NEDD9: variants seen among roughly 807,000 people sequenced by gnomAD.
NEDD9 encodes enhancer of filamentation 1.
In NEDD9, 26 loss-of-function variants were observed where a neutral mutation model predicts 76.6. That is an observed-to-expected ratio of 0.34 (90% CI 0.25 to 0.47). The LOEUF (loss-of-function observed/expected upper bound fraction) is 0.47, where lower values mean the gene tolerates loss of function less well. Among genes scored for constraint, NEDD9 ranks in the 20% least tolerant of loss-of-function variants. The probability of loss-of-function intolerance (pLI) is 1.00; values close to 1 mark genes in which losing one functional copy is unlikely to be tolerated. For missense variants in NEDD9, 937 were observed against 1,058.5 expected (o/e 0.89, Z 1.59); for synonymous variants, 392 against 414.2 (o/e 0.95, Z 0.65).
intron 2 of NEDD9, among the ~76,000 whole-genome samples, chr6:11,331,003 A>G (rs1373130845): frequency 6.6e-6 from 1 of 151,442 alleles, no homozygotes; most frequent in Non-Finnish European, 1.5e-5. Flanking sequence ...TACAGACTCT[A>G]GAGAAGAAAG....
At chr6:11,193,789 T>C in intron 2 of NEDD9, 97 bp from the exon 3 acceptor site, 1 of 696,512 alleles carries the variant, frequency 1.4e-6, no homozygotes, top group Admixed American at 2.9e-5. Context: ...CTCTCCCTCA[T>C]AAAAAGATAG....
chr6:11,207,685 C>G (rs921930286), intron 2 of NEDD9: 3 of 152,122 alleles, frequency 2.0e-5, no homozygotes, highest in African/African-American at 7.2e-5. Context: ...TTTAAGAAGC[C>G]CTTGAGATCA....
At chr6:11,307,273 C>T (rs952402999) in intron 2 of NEDD9, among the ~76,000 whole-genome samples, 1 of 152,100 alleles carries the variant, frequency 6.6e-6, no homozygotes, top group Non-Finnish European at 1.5e-5. Context: ...TCACTTCTAC[C>T]AGGATGGGAA....
chr6:11,314,428 T>C (rs1295640560), intron 2 of NEDD9, among the ~76,000 whole-genome samples: 1 of 152,134 alleles, frequency 6.6e-6, no homozygotes, highest in Non-Finnish European at 1.5e-5. Context: ...GCTAGAAATA[T>C]GGATGAAGGA....
chr6:11,341,027 C>G (rs1177876736), intron 1 of NEDD9, among the ~76,000 whole-genome samples: 1 of 152,190 alleles, frequency 6.6e-6, no homozygotes, highest in Non-Finnish European at 1.5e-5. Flanking sequence ...GCCTCCCACC[C>G]TTTCCATTGA....
intron 1 of NEDD9, among the ~76,000 whole-genome samples, chr6:11,345,848 T>C (rs1762354653): frequency 6.6e-6 from 1 of 152,224 alleles, no homozygotes; most frequent in African/African-American, 2.4e-5. Context: ...GCATAAACAA[T>C]TTCCAAGTTT....
chr6:11,244,994 C>T (rs1430223890), intron 3 of NEDD9, among the ~76,000 whole-genome samples: 1 of 152,190 alleles, frequency 6.6e-6, no homozygotes, highest in Non-Finnish European at 1.5e-5. Context: ...GACTAACCCT[C>T]TACTGGAAAG....
At chr6:11,317,943 C>G (rs1430702289) in intron 2 of NEDD9, among the ~76,000 whole-genome samples, 1 of 152,224 alleles carries the variant, frequency 6.6e-6, no homozygotes, top group Non-Finnish European at 1.5e-5. Flanking sequence ...CTTGTTCAAT[C>G]AGTTGAAGGC....
At chr6:11,217,608 C>T (rs1475480014) in intron 1 of NEDD9, among the ~76,000 whole-genome samples, 1 of 152,222 alleles carries the variant, frequency 6.6e-6, no homozygotes, top group African/African-American at 2.4e-5. Context: ...TAAACAATTA[C>T]CGTCCAACCC....
chr6:11,267,104 T>C (rs1201683460), intron 3 of NEDD9, among the ~76,000 whole-genome samples: 1 of 152,230 alleles, frequency 6.6e-6, no homozygotes, highest in East Asian at 1.9e-4. Context: ...ATTACAAACA[T>C]CCCTCATATG....
At chr6:11,301,193 C>CA (rs1033190966) in intron 3 of NEDD9, among the ~76,000 whole-genome samples, 19 of 150,968 alleles carry the variant, frequency 1.3e-4, no homozygotes, top group African/African-American at 2.9e-4. Flanking sequence ...AAATGGAAAG[C>CA]AAAAAAAAGC....
chr6:11,249,378 C>T (rs1309492334), intron 3 of NEDD9, among the ~76,000 whole-genome samples: 1 of 152,218 alleles, frequency 6.6e-6, no homozygotes, highest in Non-Finnish European at 1.5e-5. Flanking sequence ...ACCCAGGTTT[C>T]TCCTCTCTTG....
intron 1 of NEDD9, among the ~76,000 whole-genome samples, chr6:11,361,469 CAG>C (rs550778688): frequency 2.8e-4 from 43 of 152,092 alleles, no homozygotes; most frequent in African/African-American, 8.9e-4. Context: ...TGTCAAGGGG[CAG>C]GGGGGAGGTA....
intron 3 of NEDD9, among the ~76,000 whole-genome samples, chr6:11,304,230 GA>G (rs1313443480): frequency 2.0e-5 from 3 of 152,210 alleles, no homozygotes; most frequent in Non-Finnish European, 4.4e-5. Context: ...TGTCATCAGA[GA>G]AATGCATATC....
At chr6:11,287,317 G>A (rs139314226) in intron 3 of NEDD9, among the ~76,000 whole-genome samples, 5,566 of 152,136 alleles carry the variant, frequency 0.037, 262 homozygotes, top group African/African-American at 0.11. Context: ...AATCCCAGAC[G>A]CTCAGGAGGC....
intron 2 of NEDD9, chr6:11,328,622 A>T (rs150404439): frequency 6.6e-6 from 1 of 152,358 alleles, no homozygotes; most frequent in African/African-American, 2.4e-5. Flanking sequence ...GATGATTGGC[A>T]TTGTCCTTTA....
chr6:11,371,762 A>G (rs1762880217), intron 1 of NEDD9, among the ~76,000 whole-genome samples: 1 of 152,178 alleles, frequency 6.6e-6, no homozygotes, highest in Non-Finnish European at 1.5e-5. Context: ...TCCAGCCCTT[A>G]CCTAAAACTT....
intron 2 of NEDD9, among the ~76,000 whole-genome samples, chr6:11,319,164 A>G (rs1054510643): frequency 6.6e-6 from 1 of 152,232 alleles, no homozygotes; most frequent in Non-Finnish European, 1.5e-5. Flanking sequence ...TCTTCTGCCC[A>G]CTCAGAACAG....
intron 1 of NEDD9, among the ~76,000 whole-genome samples, chr6:11,374,015 T>C (rs982925845): frequency 3.9e-5 from 6 of 152,278 alleles, no homozygotes; most frequent in African/African-American, 9.6e-5. Context: ...CCAGTCTCCA[T>C]AATTGTGTGA....
Sources: gnomAD v4.1 joint callset for allele counts (sites outside exome capture counted in the v4.1 genomes callset) on GRCh38, gnomAD v4.1.1 for gene constraint, MANE v1.5 for transcripts, NCBI Gene and HGNC (gene_info 2026-07-23, HGNC 2026-07-21) for gene names.